GLIS3: variants seen among roughly 807,000 people sequenced by gnomAD.
GLIS3 encodes GLIS family zinc finger 3, also known as zinc finger protein GLIS3.
In GLIS3, 53 loss-of-function variants were observed where a neutral mutation model predicts 78.6. That is an observed-to-expected ratio of 0.67 (90% CI 0.54 to 0.85). The LOEUF (loss-of-function observed/expected upper bound fraction) is 0.85. Ranked by LOEUF, GLIS3 falls within the 40% of genes least tolerant of loss-of-function variation. The pLI is 0.00. For synonymous variants in GLIS3, 684 were observed against 509.9 expected, an observed-to-expected ratio of 1.34 and a Z score of -4.60; for missense variants, 1,703 against 1,231.1, an observed-to-expected ratio of 1.38 and a Z score of -5.74.
chr9:4,297,792 C>G (rs2130453319), intron 1 of GLIS3, among the ~76,000 whole-genome samples: 1 of 152,310 alleles, frequency 6.6e-6, no homozygotes, highest in Non-Finnish European at 1.5e-5. Context: ...CGAGACCACT[C>G]CTGCCAAGAG....
the GLIS3 span, among the ~76,000 whole-genome samples, chr9:4,412,016 A>C: frequency 3.9e-5 from 6 of 152,378 alleles, no homozygotes; most frequent in East Asian, 9.6e-4. Flanking sequence ...CTTAACATGG[A>C]TATCAAATGA....
intron 7 of GLIS3, among the ~76,000 whole-genome samples, chr9:3,886,646 C>G (rs1010705170): frequency 6.6e-6 from 1 of 152,194 alleles, no homozygotes; most frequent in African/African-American, 2.4e-5. Flanking sequence ...TTGGGGGTGA[C>G]TCAAGTTTTG....
At chr9:4,440,063 T>C in the GLIS3 span, among the ~76,000 whole-genome samples, 26 of 152,310 alleles carry the variant, frequency 1.7e-4, no homozygotes, top group African/African-American at 6.3e-4. Flanking sequence ...ATTGAGTTGT[T>C]TGAGTTCCTT....
chr9:4,445,657 A>C, the GLIS3 span, among the ~76,000 whole-genome samples: 1 of 152,110 alleles, frequency 6.6e-6, no homozygotes, highest in African/African-American at 2.4e-5. Context: ...AAGAAATAAA[A>C]ATAAACTAGT....
chr9:3,871,880 A>T (rs2130393212), intron 8 of GLIS3, among the ~76,000 whole-genome samples: 1 of 152,358 alleles, frequency 6.6e-6, no homozygotes, highest in South Asian at 2.1e-4. Context: ...TCTCCCCAGA[A>T]AATGAGATTT....
At chr9:4,269,514 A>T (rs776933917) in intron 2 of GLIS3, among the ~76,000 whole-genome samples, 1 of 152,238 alleles carries the variant, frequency 6.6e-6, no homozygotes, top group Non-Finnish European at 1.5e-5. Flanking sequence ...AAATAACCAG[A>T]TGTCTGAACC....
At chr9:3,869,487 T>TG (rs1820835620) in intron 8 of GLIS3, among the ~76,000 whole-genome samples, 1 of 152,206 alleles carries the variant, frequency 6.6e-6, no homozygotes, top group Admixed American at 6.5e-5. Context: ...AAATGGATGG[T>TG]GGCAAGGTAC....
chr9:4,355,255 T>G, the GLIS3 span, among the ~76,000 whole-genome samples: 2 of 152,270 alleles, frequency 1.3e-5, no homozygotes, highest in South Asian at 4.1e-4. Context: ...CTCTGCCACT[T>G]GGCGGCTGTG....
intron 2 of GLIS3, among the ~76,000 whole-genome samples, chr9:4,147,843 T>C (rs1586809037): frequency 6.6e-6 from 1 of 151,446 alleles, no homozygotes; most frequent in African/African-American, 2.4e-5. Flanking sequence ...TATAACATTC[T>C]AATGGCTAAA....
chr9:3,981,222 G>C (rs753234296), intron 4 of GLIS3, among the ~76,000 whole-genome samples: 27 of 152,176 alleles, frequency 1.8e-4, no homozygotes, highest in Non-Finnish European at 3.8e-4. Context: ...TATTAAAGGA[G>C]ACAGGACTTT....
intron 4 of GLIS3, among the ~76,000 whole-genome samples, chr9:4,065,800 T>G (rs1827047503): frequency 6.6e-6 from 1 of 152,156 alleles, no homozygotes; most frequent in African/African-American, 2.4e-5. Context: ...ATTACATGGT[T>G]AAAGCATACA....
At chr9:3,867,732 T>A (rs1348422494) in intron 8 of GLIS3, among the ~76,000 whole-genome samples, 3 of 32,948 alleles carry the variant, frequency 9.1e-5, no homozygotes, top group African/African-American at 7.2e-4. Flanking sequence ...TGTGTGTGCG[T>A]GCGTGTGTGT....
At chr9:4,036,512 G>A (rs1256031329) in intron 4 of GLIS3, among the ~76,000 whole-genome samples, 4 of 152,084 alleles carry the variant, frequency 2.6e-5, no homozygotes, top group Non-Finnish European at 4.4e-5. Context: ...AATTGGTAAC[G>A]GTTTCTATCA....
intron 4 of GLIS3, among the ~76,000 whole-genome samples, chr9:4,061,160 C>A (rs987108519): frequency 7.2e-5 from 11 of 151,794 alleles, no homozygotes; most frequent in African/African-American, 2.7e-4. Context: ...TGGTGTGCTG[C>A]ACCCATTAAC....
intron 3 of GLIS3, among the ~76,000 whole-genome samples, chr9:4,121,952 A>T (rs897461916): frequency 6.6e-6 from 1 of 152,250 alleles, no homozygotes. Flanking sequence ...AAAGAAAGTG[A>T]CAGCTGTATC....
At chr9:4,091,667 T>C (rs1199278305) in intron 4 of GLIS3, among the ~76,000 whole-genome samples, 1 of 152,126 alleles carries the variant, frequency 6.6e-6, no homozygotes, top group Non-Finnish European at 1.5e-5. Flanking sequence ...GCATCCCCCT[T>C]CGCTCGACTC....
At chr9:4,242,725 C>T (rs1481868536) in intron 2 of GLIS3, among the ~76,000 whole-genome samples, 4 of 152,038 alleles carry the variant, frequency 2.6e-5, no homozygotes, top group Non-Finnish European at 5.9e-5. Flanking sequence ...CAGAGGTGTG[C>T]TGTATAATTA....
chr9:4,036,061 G>C (rs511847), intron 4 of GLIS3: 15 of 152,164 alleles, frequency 9.9e-5, no homozygotes, highest in African/African-American at 3.6e-4. Context: ...TTCCTTGCTA[G>C]GCTGAAAGAT....
upstream of GLIS3, among the ~76,000 whole-genome samples, chr9:4,304,124 T>C (rs1817165645): frequency 6.6e-6 from 1 of 152,234 alleles, no homozygotes; most frequent in South Asian, 2.1e-4. Context: ...TTTCTTCACC[T>C]TCAGAGATGA....
Sources: gnomAD v4.1 joint callset for allele counts (sites outside exome capture counted in the v4.1 genomes callset) on GRCh38, gnomAD v4.1.1 for gene constraint, MANE v1.5 for transcripts, NCBI Gene and HGNC (gene_info 2026-07-23, HGNC 2026-07-21) for gene names.